Variants in PATJ observed in about 807,000 individuals in gnomAD.
PATJ encodes the protein PATJ crumbs cell polarity complex component.
In PATJ, 190 loss-of-function variants were observed where a neutral mutation model predicts 224.9. That is an observed-to-expected ratio of 0.84 (90% CI 0.75 to 0.95). The LOEUF is 0.95. PATJ is among the 40% of genes least tolerant of loss of function. The pLI, the probability that PATJ is intolerant of heterozygous loss-of-function variation, is 0.00. For missense variants in PATJ, 2,121 were observed against 2,270.3 expected, an observed-to-expected ratio of 0.93 and a Z score of 1.34; for synonymous variants, 769 against 820.3, an observed-to-expected ratio of 0.94 and a Z score of 1.07.
intron 14 of PATJ, among the ~76,000 whole-genome samples, chr1:61,810,522 C>A (rs1450471967): frequency 2.0e-5 from 3 of 151,786 alleles, no homozygotes; most frequent in Admixed American, 1.3e-4. Context: ...CATAGTGAAA[C>A]CCTGTCTCTA....
At chr1:62,134,969 T>C (rs952324911) in intron 41 of PATJ, among the ~76,000 whole-genome samples, 4 of 148,750 alleles carry the variant, frequency 2.7e-5, no homozygotes, top group African/African-American at 5.0e-5. Flanking sequence ...AGGTGTGTCA[T>C]TGAGGGTGCA....
chr1:61,753,701 G>T (rs549648793), intron 1 of PATJ, among the ~76,000 whole-genome samples: 36 of 151,662 alleles, frequency 2.4e-4, no homozygotes, highest in Middle Eastern at 6.8e-3. Context: ...GTAGAGATGG[G>T]GTTTCACCAT....
rs148250614 is a variant in PATJ, at chr1:62,130,499, C to A, written c.5271+1554C>A. Among the ~76,000 whole-genome samples the A allele has an allele frequency of 2.2e-4, 33 of 151,490 alleles. No individual in the cohort carries two copies. The East Asian group carries it at 5.8e-3, about 27-fold the overall frequency. On this transcript the variant is annotated intron_variant, in intron 41 of 43. Coordinates refer to ENST00000642238, the MANE Select transcript of PATJ (RefSeq NM_001350145.3). ...TGGGCAACATGGTATGATACCCCAT[C>A]TCTACAAAAAAAATAAAAATAAAAA...
At chr1:62,134,503 G>A (rs9436220) in intron 41 of PATJ, among the ~76,000 whole-genome samples, 110,151 of 151,206 alleles carry the variant, frequency 0.73, 40,347 homozygotes, top group East Asian at 0.81. Context: ...GTGCCACCAC[G>A]CCCAGCTAAT....
At chr1:61,933,426 A>G (rs1483491166) in intron 27 of PATJ, among the ~76,000 whole-genome samples, 2 of 151,716 alleles carry the variant, frequency 1.3e-5, no homozygotes, top group Admixed American at 1.3e-4. Context: ...TTGTAATCCT[A>G]GCTACTTGGG....
chr1:61,750,356 A>C (rs1002528744), intron 1 of PATJ, among the ~76,000 whole-genome samples: 1 of 151,348 alleles, frequency 6.6e-6, no homozygotes, highest in Non-Finnish European at 1.5e-5. Context: ...CATTAATAAT[A>C]ATTAGTGGAT....
intron 8 of PATJ, 52 bp from the exon 9 acceptor site, chr1:61,791,294 TAC>T: frequency 9.8e-7 from 1 of 1,020,376 alleles, no homozygotes; most frequent in Non-Finnish European, 1.5e-6. Flanking sequence ...ATTGACTATG[TAC>T]ACACAGGTAT....
intron 28 of PATJ, among the ~76,000 whole-genome samples, chr1:61,994,504 C>T (rs192573987): frequency 1.3e-5 from 2 of 151,648 alleles, no homozygotes; most frequent in African/African-American, 4.8e-5. Flanking sequence ...CTTGATGGCT[C>T]TATGCAACAT....
intron 1 of PATJ, among the ~76,000 whole-genome samples, chr1:61,755,407 T>C (rs547249657): frequency 6.6e-6 from 1 of 152,256 alleles, no homozygotes; most frequent in South Asian, 2.1e-4. Flanking sequence ...TTAAAACATA[T>C]GTTAGTATAG....
chr1:61,778,709 T>TAG (rs1221234604), intron 7 of PATJ, among the ~76,000 whole-genome samples: 8 of 148,534 alleles, frequency 5.4e-5, no homozygotes, highest in African/African-American at 1.7e-4. Context: ...TATATATATA[T>TAG]ATAGAGAGAG....
At chr1:61,788,561 A>G (rs1649087863) in intron 8 of PATJ, among the ~76,000 whole-genome samples, 1 of 152,224 alleles carries the variant, frequency 6.6e-6, no homozygotes, top group African/African-American at 2.4e-5. Context: ...TTGAATTCAC[A>G]TCTTTCTGGT....
intron 30 of PATJ, among the ~76,000 whole-genome samples, chr1:62,047,421 T>TA (rs901026397): frequency 1.3e-4 from 17 of 130,980 alleles, no homozygotes; most frequent in South Asian, 2.5e-4. Flanking sequence ...CACGCCTGGC[T>TA]AATTTTTTTG....
chr1:62,038,972 C>T lies in PATJ; in HGVS notation c.4032+923C>T, dbSNP rs578259012. The T allele has an allele frequency of 3.5e-5, 48 of 1,372,982 alleles. No homozygotes were observed. In the Admixed American group the frequency reaches 3.5e-4, roughly 10 times the overall value. 85.0% of individuals were successfully genotyped at this position (1,372,982 alleles called of 1,614,324 possible). Reference sequence around the variant, plus strand: ...TCAGATGAGCATGCTGGAGTGATATCTGTTCTAGCCCAACAAGCAGCTGAG... The same window carrying T: ...TCAGATGAGCATGCTGGAGTGATATTTGTTCTAGCCCAACAAGCAGCTGAG... On this transcript the variant is annotated intron_variant, in intron 30 of 43. Coordinates refer to ENST00000642238, the MANE Select transcript of PATJ (RefSeq NM_001350145.3).
At chr1:61,893,761 C>T (rs1383348267) in intron 22 of PATJ, among the ~76,000 whole-genome samples, 3 of 149,192 alleles carry the variant, frequency 2.0e-5, no homozygotes, top group Non-Finnish European at 3.0e-5. Flanking sequence ...TGGAACTCTG[C>T]TCAAAAAGCA....
At position 62,013,497 on chromosome 1, in the gene PATJ, G is replaced by T. The variant is rs1342100638; in HGVS notation, c.3868-4359G>T. On this transcript the variant is annotated intron_variant, in intron 28 of 43. Coordinates refer to ENST00000642238, the MANE Select transcript of PATJ (RefSeq NM_001350145.3). ...TGGGAACCACCTAGAGGAGGATGTT[G>T]GCTCCTGCCCTAAGGAGCTCCACTC... The T allele has an allele frequency of 1.7e-5, 17 of 985,156 alleles. No individual in the cohort carries two copies. The Admixed American group carries it at 9.2e-4, about 53-fold the overall frequency. 61.0% of individuals were successfully genotyped at this position (985,156 alleles called of 1,614,324 possible).
At chr1:62,051,093 G>A (rs1383927987) in intron 31 of PATJ, 35 bp downstream of exon 31, 2 of 1,424,074 alleles carry the variant, frequency 1.4e-6, no homozygotes, top group East Asian at 4.6e-5. Flanking sequence ...CCTGTATTCT[G>A]TTTAGGGATG....
At chr1:62,012,467 CT>C (rs1038218998) in intron 28 of PATJ, among the ~76,000 whole-genome samples, 2 of 151,850 alleles carry the variant, frequency 1.3e-5, no homozygotes, top group East Asian at 1.9e-4. Flanking sequence ...AAAAAGAATT[CT>C]TTTTTTTCTT....
At chr1:62,048,374 C>T (rs775451339) in intron 30 of PATJ, among the ~76,000 whole-genome samples, 2 of 151,646 alleles carry the variant, frequency 1.3e-5, no homozygotes, top group South Asian at 2.1e-4. Context: ...GGCGAAACCC[C>T]GTCTCTACTA....
chr1:61,778,827 A>G (rs1430792794), intron 7 of PATJ, among the ~76,000 whole-genome samples: 1 of 151,992 alleles, frequency 6.6e-6, no homozygotes, highest in East Asian at 1.9e-4. Flanking sequence ...CAGGCTCCCA[A>G]GTAGCTGGGA....
Sources: gnomAD v4.1 joint callset for allele counts (sites outside exome capture counted in the v4.1 genomes callset) on GRCh38, gnomAD v4.1.1 for gene constraint, MANE v1.5 for transcripts, NCBI Gene and HGNC (gene_info 2026-07-23, HGNC 2026-07-21) for gene names.